The following FBXO34 variants were observed in gnomAD, a reference collection of about 807,000 sequenced individuals.
The protein encoded by FBXO34 is F-box protein 34, also known as F-box only protein 34.
Under a neutral mutation model 24.5 loss-of-function variants are expected in FBXO34, and 12 were observed. The observed-to-expected ratio is 0.49, with a 90% confidence interval of 0.31 to 0.79. The LOEUF (loss-of-function observed/expected upper bound fraction) is 0.79, where lower values mean the gene tolerates loss of function less well. Ranked by LOEUF, FBXO34 falls within the 30% of genes least tolerant of loss-of-function variation. The probability of loss-of-function intolerance (pLI) is 0.04; values close to 1 mark genes in which losing one functional copy is unlikely to be tolerated. For missense variants in FBXO34, 823 were observed against 857.7 expected (o/e 0.96, Z 0.51); for synonymous variants, 320 against 311.9 (o/e 1.03, Z -0.27).
chr14:55,368,085 A>G (rs1884723388), exon 3 of FBXO34: 1 of 147,888 alleles, frequency 6.8e-6, no homozygotes, highest in Admixed American at 6.8e-5. Flanking sequence ...GTTGTTACAT[A>G]GGATTTTTTT....
the FBXO34 span, among the ~76,000 whole-genome samples, chr14:55,437,706 A>C: frequency 6.6e-6 from 1 of 152,234 alleles, no homozygotes; most frequent in Non-Finnish European, 1.5e-5. Context: ...GTTAATTATA[A>C]ACTTTAGTTG....
chr14:55,437,271 G>A, the FBXO34 span, among the ~76,000 whole-genome samples: 3 of 152,242 alleles, frequency 2.0e-5, no homozygotes, highest in African/African-American at 7.2e-5. Flanking sequence ...GAGGCTAGGA[G>A]TTTTGAGACT....
At chr14:55,292,667 A>G (rs1317237119) in intron 1 of FBXO34, among the ~76,000 whole-genome samples, 1 of 151,928 alleles carries the variant, frequency 6.6e-6, no homozygotes, top group Non-Finnish European at 1.5e-5. Flanking sequence ...ACTTACTTTT[A>G]AAGTAGGAAA....
chr14:55,381,928 A>C, the FBXO34 span: 66 of 1,556,500 alleles, frequency 4.2e-5, no homozygotes, highest in Admixed American at 6.4e-4. Flanking sequence ...AACTCTCTCT[A>C]TATATAGATT....
the FBXO34 span, chr14:55,386,135 A>G: frequency 1.9e-6 from 3 of 1,552,484 alleles, no homozygotes; most frequent in Non-Finnish European, 2.6e-6. Context: ...TATCTCTGCA[A>G]ACAGTTCCTG....
the FBXO34 span, among the ~76,000 whole-genome samples, chr14:55,408,916 C>T: frequency 1.3e-5 from 2 of 152,146 alleles, no homozygotes; most frequent in Non-Finnish European, 2.9e-5. Flanking sequence ...CATGAGGCTT[C>T]GTATGCCATA....
intron 1 of FBXO34, among the ~76,000 whole-genome samples, chr14:55,307,565 T>G (rs551894047): frequency 1.3e-3 from 202 of 152,346 alleles, no homozygotes; most frequent in Non-Finnish European, 6.0e-4. Context: ...ATCTTTACCT[T>G]GTAATTTCTT....
chr14:55,362,574 TAGC>T (rs1884607710), downstream of FBXO34, among the ~76,000 whole-genome samples: 1 of 151,928 alleles, frequency 6.6e-6, no homozygotes, highest in South Asian at 2.1e-4. Flanking sequence ...CTCAAAGGAG[TAGC>T]AGAACTCCCT....
downstream of FBXO34, chr14:55,368,653 G>C (rs1171177374): frequency 6.6e-6 from 1 of 152,202 alleles, no homozygotes; most frequent in African/African-American, 2.4e-5. Context: ...AAGTAGGATG[G>C]TTTCCCCTGA....
chr14:55,381,843 G>T, the FBXO34 span: 1 of 774,438 alleles, frequency 1.3e-6, no homozygotes, highest in Non-Finnish European at 2.1e-6. Flanking sequence ...TGGGAGCACA[G>T]TGCTGTGAAT....
chr14:55,428,746 A>G, the FBXO34 span: 1 of 1,518,362 alleles, frequency 6.6e-7, no homozygotes, highest in Non-Finnish European at 8.9e-7. Flanking sequence ...TACGTAAGCA[A>G]CCCATAATGT....
At chr14:55,322,452 C>A (rs1883172437) in intron 1 of FBXO34, among the ~76,000 whole-genome samples, 1 of 152,188 alleles carries the variant, frequency 6.6e-6, no homozygotes, top group Non-Finnish European at 1.5e-5. Context: ...TCTCCTCCCC[C>A]ACCATTGGCT....
chr14:55,344,812 C>T (rs1022691393), intron 1 of FBXO34, among the ~76,000 whole-genome samples: 2 of 152,014 alleles, frequency 1.3e-5, no homozygotes, highest in East Asian at 1.9e-4. Context: ...TGAGAACATG[C>T]GGTGTTTGGT....
At chr14:55,402,893 C>CAA in the FBXO34 span, among the ~76,000 whole-genome samples, 12 of 11,100 alleles carry the variant, frequency 1.1e-3, 4 homozygotes, top group Non-Finnish European at 1.9e-3. Context: ...TCCATCTCTA[C>CAA]AAAAAAAAAA....
the FBXO34 span, among the ~76,000 whole-genome samples, chr14:55,393,910 GTTTA>G: frequency 6.6e-6 from 1 of 151,272 alleles, no homozygotes; most frequent in Non-Finnish European, 1.5e-5. Context: ...CTTTATCCTA[GTTTA>G]TTATTTTTTT....
chr14:55,314,198 A>G (rs1333359139), intron 1 of FBXO34, among the ~76,000 whole-genome samples: 1 of 152,180 alleles, frequency 6.6e-6, no homozygotes, highest in Non-Finnish European at 1.5e-5. Flanking sequence ...GGCATGAGCC[A>G]CAATGCCCAG....
At chr14:55,382,496 T>A in the FBXO34 span, among the ~76,000 whole-genome samples, 116 of 151,762 alleles carry the variant, frequency 7.6e-4, 2 homozygotes, top group South Asian at 6.1e-3. Flanking sequence ...ACTTAAAAAA[T>A]TTTTTTTTGT....
the FBXO34 span, among the ~76,000 whole-genome samples, chr14:55,417,465 A>T: frequency 3.3e-5 from 5 of 150,322 alleles, no homozygotes; most frequent in Non-Finnish European, 7.4e-5. Flanking sequence ...AAAAAAAAAA[A>T]AAAAAAAAAA....
chr14:55,413,634 G>A, the FBXO34 span: 1 of 415,224 alleles, frequency 2.4e-6, no homozygotes, highest in South Asian at 2.2e-5. Flanking sequence ...TCTGGGTGGA[G>A]CAGGCTGGCG....
Sources: allele counts gnomAD v4.1 joint callset (sites outside exome capture counted in the v4.1 genomes callset), GRCh38; gene constraint gnomAD v4.1.1; transcripts MANE v1.5; gene names NCBI Gene and HGNC (gene_info 2026-07-23, HGNC 2026-07-21).